EXD3: variants seen among roughly 807,000 people sequenced by gnomAD.
EXD3 encodes exonuclease 3'-5' domain containing 3, also known as exonuclease mut-7 homolog.
A neutral mutation model predicts 98.0 loss-of-function variants in EXD3; 92 were observed. The ratio of observed to expected loss-of-function variants is 0.94; its 90% CI spans 0.79 to 1.12. The LOEUF is 1.12. EXD3 is among the 50% of genes most tolerant of loss of function. EXD3 has a pLI of 0.00. For synonymous variants in EXD3, 569 were observed against 526.0 expected (o/e 1.08, Z -1.12); for missense variants, 1,222 against 1,191.6 (o/e 1.03, Z -0.38).
intron 7 of EXD3, among the ~76,000 whole-genome samples, chr9:137,364,600 C>T (rs550057855): frequency 4.7e-4 from 71 of 150,636 alleles, no homozygotes; most frequent in African/African-American, 9.0e-4. Flanking sequence ...CCAGCCTGGG[C>T]GACAAAGGCT....
chr9:137,390,457 A>T (rs961673185), intron 2 of EXD3, among the ~76,000 whole-genome samples: 4 of 152,046 alleles, frequency 2.6e-5, no homozygotes, highest in Non-Finnish European at 4.4e-5. Flanking sequence ...GTAAATAAAT[A>T]AAAATTACAC....
chr9:137,417,424 G>A (rs1838289993), intron 1 of EXD3, among the ~76,000 whole-genome samples: 1 of 152,190 alleles, frequency 6.6e-6, no homozygotes, highest in Non-Finnish European at 1.5e-5. Flanking sequence ...CGGCGCGGAG[G>A]CCCCTGCTGA....
intron 20 of EXD3, 56 bp downstream of exon 20, chr9:137,309,551 G>A: frequency 7.0e-7 from 1 of 1,432,778 alleles, no homozygotes; most frequent in Non-Finnish European, 9.6e-7. Flanking sequence ...GGCTACCTCA[G>A]TAGGTCGACC....
chr9:137,387,238 AG>A lies in EXD3; in HGVS notation c.56-3862del, dbSNP rs199676504. ...TGGCCTCAACGCTGAGCCCCAGGGC[AG>A]TGACCGCCTGGGTCTCCTTCCAGGC... On this transcript the variant is annotated intron_variant, in intron 2 of 21. Coordinates refer to ENST00000340951, the MANE Select transcript of EXD3 (RefSeq NM_017820.5). 6.9e-3 allele frequency among the ~76,000 whole-genome samples: 1,043 copies of A among 151,938 alleles called. 4 individuals are homozygous for A. Among genetic ancestry groups the A allele is most frequent in the Non-Finnish European group, 0.011 (769 of 67,920 alleles).
chr9:137,312,634 G>A (rs1486464373), intron 19 of EXD3, among the ~76,000 whole-genome samples: 1 of 152,054 alleles, frequency 6.6e-6, no homozygotes, highest in Non-Finnish European at 1.5e-5. Flanking sequence ...GAGCTGCTCA[G>A]CCACTGCCCC....
intron 1 of EXD3, among the ~76,000 whole-genome samples, chr9:137,406,870 C>G (rs1268286408): frequency 6.6e-6 from 1 of 152,142 alleles, no homozygotes; most frequent in Non-Finnish European, 1.5e-5. Context: ...GCCCGTCCCC[C>G]CTCAGCAGGC....
chr9:137,312,218 C>A (rs1349632364), intron 19 of EXD3, among the ~76,000 whole-genome samples: 1 of 152,112 alleles, frequency 6.6e-6, no homozygotes, highest in Non-Finnish European at 1.5e-5. Context: ...GGTGCCTGGG[C>A]ACCTCCACCC....
At chr9:137,339,016 A>G (rs1259053501) in intron 17 of EXD3, among the ~76,000 whole-genome samples, 2 of 152,246 alleles carry the variant, frequency 1.3e-5, no homozygotes, top group African/African-American at 2.4e-5. Flanking sequence ...GAGCCTTAAG[A>G]GCGGACACCG....
intron 5 of EXD3, among the ~76,000 whole-genome samples, chr9:137,370,236 G>C (rs1420496594): frequency 6.6e-6 from 1 of 152,208 alleles, no homozygotes; most frequent in Admixed American, 6.5e-5. Context: ...GCCTGGCTTA[G>C]AATCAGCGTC....
chr9:137,368,429 C>CCA (rs1835383772), intron 5 of EXD3, among the ~76,000 whole-genome samples: 1 of 152,214 alleles, frequency 6.6e-6, no homozygotes, highest in Non-Finnish European at 1.5e-5. Flanking sequence ...TGAGGACCCC[C>CCA]AGCCTCAGCG....
chr9:137,381,099 C>CTCACACACACAT (rs201366936), intron 3 of EXD3: 6,436 of 89,288 alleles, frequency 0.072, 194 homozygotes, highest in African/African-American at 0.24. Flanking sequence ...GACTCTGTCT[C>CTCACACACACAT]ACACACACAC....
intron 17 of EXD3, among the ~76,000 whole-genome samples, chr9:137,333,408 T>C (rs1488656992): frequency 6.6e-6 from 1 of 152,200 alleles, no homozygotes; most frequent in East Asian, 1.9e-4. Context: ...ACATCTATCC[T>C]ATCAGTTCTG....
intron 3 of EXD3, among the ~76,000 whole-genome samples, chr9:137,381,861 CCAGGGCCACT>C (rs1338806033): frequency 1.3e-5 from 2 of 152,224 alleles, no homozygotes; most frequent in African/African-American, 2.4e-5. Context: ...CCTGGCCCAC[CCAGGGCCACT>C]GGGCATGTGG....
chr9:137,370,650 A>G (rs1835542483), intron 5 of EXD3, among the ~76,000 whole-genome samples: 2 of 150,298 alleles, frequency 1.3e-5, no homozygotes, highest in South Asian at 2.1e-4. Context: ...GGTATCGACC[A>G]TCGGGAAGGG....
At chr9:137,417,652 GAGGCGCGCGGCCA>G (rs2131843103) in intron 1 of EXD3, among the ~76,000 whole-genome samples, 1 of 152,270 alleles carries the variant, frequency 6.6e-6, no homozygotes, top group Admixed American at 6.5e-5. Context: ...AGCGGAGGAG[GAGGCGCGCGGCCA>G]CCACGCGGCG....
intron 5 of EXD3, among the ~76,000 whole-genome samples, chr9:137,370,941 T>G (rs149348522): frequency 1.3e-5 from 2 of 152,148 alleles, no homozygotes; most frequent in African/African-American, 4.8e-5. Flanking sequence ...TCGCAGCACA[T>G]TGAGTCGTGA....
chr9:137,406,493 C>T (rs1415419018), intron 1 of EXD3, among the ~76,000 whole-genome samples: 1 of 152,106 alleles, frequency 6.6e-6, no homozygotes, highest in Non-Finnish European at 1.5e-5. Context: ...TTTGTCTTGT[C>T]CCAAACGGCA....
intron 17 of EXD3, among the ~76,000 whole-genome samples, chr9:137,326,078 C>CA (rs796346556): frequency 0.11 from 10,475 of 95,350 alleles, 490 homozygotes; most frequent in Admixed American, 0.22. Flanking sequence ...GAACCTGTCT[C>CA]AAAAAAAAAA....
At chr9:137,321,105 C>T (rs999063032) in intron 19 of EXD3, among the ~76,000 whole-genome samples, 1 of 152,250 alleles carries the variant, frequency 6.6e-6, no homozygotes, top group African/African-American at 2.4e-5. Flanking sequence ...CCTGTGTGTA[C>T]AGGTGCCTGG....
Sources: allele counts gnomAD v4.1 joint callset (sites outside exome capture counted in the v4.1 genomes callset), GRCh38; gene constraint gnomAD v4.1.1; transcripts MANE v1.5; gene names NCBI Gene and HGNC (gene_info 2026-07-23, HGNC 2026-07-21).